EFR3B: variants seen among roughly 807,000 people sequenced by gnomAD.
The protein encoded by EFR3B is EFR3 homolog B.
In EFR3B, 64 loss-of-function variants were observed where a neutral mutation model predicts 104.7. The observed-to-expected ratio is 0.61, with a 90% CI of 0.50 to 0.75. The LOEUF is 0.75. EFR3B is among the 30% of genes least tolerant of loss of function. The pLI is 0.00. For missense variants in EFR3B, 750 were observed against 1,078.5 expected, an observed-to-expected ratio of 0.70 and a Z score of 4.27; for synonymous variants, 385 against 417.9, an observed-to-expected ratio of 0.92 and a Z score of 0.96.
At chr2:25,107,844 T>A (rs1227238882) in intron 4 of EFR3B, among the ~76,000 whole-genome samples, 1 of 151,966 alleles carries the variant, frequency 6.6e-6, no homozygotes, top group Non-Finnish European at 1.5e-5. Context: ...CTTCATTTTT[T>A]ATTTTATTTT....
intron 2 of EFR3B, 46 bp downstream of exon 2, chr2:25,091,447 A>AGGGCCTCTGACGGGGGCAGCTTGGAAGCC: frequency 6.6e-7 from 1 of 1,513,180 alleles, no homozygotes; most frequent in Non-Finnish European, 8.9e-7. Context: ...TGGTCCAGGC[A>AGGGCCTCTGACGGGGGCAGCTTGGAAGCC]GGGCCTCTGA....
chr2:25,059,301 C>T (rs1242984584), intron 1 of EFR3B, among the ~76,000 whole-genome samples: 2 of 152,008 alleles, frequency 1.3e-5, no homozygotes, highest in African/African-American at 4.8e-5. Flanking sequence ...TCAGGCTGGT[C>T]TCGATCTCCT....
intron 3 of EFR3B, among the ~76,000 whole-genome samples, chr2:25,094,264 G>A (rs1194090066): frequency 2.9e-5 from 3 of 103,576 alleles, no homozygotes; most frequent in Admixed American, 1.6e-4. Flanking sequence ...TAGCCTGGGA[G>A]ACAGATTGAG....
rs1671251333 is a variant in EFR3B, at chr2:25,159,033, GGAA to G, written c.*4698_*4700del. The stretch of plus-strand genomic sequence containing the variant: ...GAAAGGCGGAGTGGGGGGAAGTATA[GGAA>G]GAAGGATTCTTAGCAAAATCATTCT... On this transcript the variant is annotated 3_prime_UTR_variant, in exon 23 of 23. Coordinates refer to ENST00000403714, the MANE Select transcript of EFR3B (RefSeq NM_014971.2). 6.6e-6 allele frequency: 1 copy of G among 152,200 alleles called. No individual in the cohort carries two copies. Among genetic ancestry groups the G allele is most frequent in the Non-Finnish European group, 1.5e-5 (1 of 68,038 alleles). The allele number at this position is 152,200 out of a possible 1,614,324, so 9.4% of individuals were successfully genotyped here.
intron 3 of EFR3B, among the ~76,000 whole-genome samples, chr2:25,094,878 C>T (rs1006067688): frequency 6.6e-6 from 1 of 152,096 alleles, no homozygotes; most frequent in Non-Finnish European, 1.5e-5. Context: ...CAGCCTCAGC[C>T]TCCTGGGCTC....
rs1670437271 is a variant in EFR3B at position 25,133,422 on chromosome 2, A to G, written c.1299A>G (p.Lys433=). The G allele has an allele frequency of 6.4e-7, 1 of 1,552,246 alleles. No individual in the cohort carries two copies. The change falls in exon 12 of 23, where the codon AAA becomes AAG. Residue 433 remains lysine, a synonymous_variant. Coordinates refer to ENST00000403714, the MANE Select transcript of EFR3B (RefSeq NM_014971.2). ...RNRLTQIMLL[K]SLLQVSTGFQ... ...GTCTGACCCAGATTATGCTGCTAAA[A>G]TCCCTCCTGCAGGTGAGCCCCATCT...
intron 3 of EFR3B, among the ~76,000 whole-genome samples, chr2:25,095,682 C>T (rs865903571): frequency 9.9e-5 from 15 of 152,054 alleles, no homozygotes; most frequent in Admixed American, 2.6e-4. Flanking sequence ...GGCAACAGAG[C>T]GAGACCCTGT....
rs1180199540 is a variant in EFR3B, at chr2:25,057,433, G to T, written c.7+15114G>T. On this transcript the variant is annotated intron_variant, in intron 1 of 22. Transcript: ENST00000403714. ...CTAACAAAAAAAAAAACAAAAAACA[G>T]ATCTGTTTTATTCCAACGTTATTCT... is the stretch of plus-strand genomic sequence containing the variant. Among the ~76,000 whole-genome samples the T allele has an allele frequency of 9.2e-5, 14 of 151,804 alleles. No homozygotes were observed. In the East Asian group the frequency reaches 2.7e-3, roughly 29 times the overall value.
Position 25,042,295 on chromosome 2 carries a change from GGC to G in EFR3B, c.-11_-10del. The G allele has an allele frequency of 5.4e-6, 7 of 1,294,414 alleles. No homozygotes were observed. The highest frequency in any genetic ancestry group is 5.9e-6 in the Non-Finnish European group (6 of 1,023,522). The allele number at this position is 1,294,414 out of a possible 1,614,324, so 80.2% of individuals were successfully genotyped here. A position where few individuals can be genotyped will look rare whatever the true frequency, so the allele number is the denominator to read the frequency against. ...CCGCAGCGACGCCGGCCTCTCGAGA[GGC>G]GCGCGCCCCGCCGAGATGTACGGTA... On this transcript the variant is annotated 5_prime_UTR_variant, in exon 1 of 23. Coordinates refer to ENST00000403714, the MANE Select transcript of EFR3B (RefSeq NM_014971.2). This position sits in a 1 kb window ranked among gnomAD's most constrained non-coding sequence, Gnocchi z 5.4.
rs932253809 is a variant in EFR3B at position 25,131,430 on chromosome 2, C to T, written c.912C>T (p.Ser304=). 7.1e-6 allele frequency: 11 copies of T among 1,550,726 alleles called. No individual in the cohort carries two copies. The highest frequency in any genetic ancestry group is 5.9e-5 in the South Asian group (5 of 84,054). ...LLGHLDANSR[S]AATVRAGIVE... ...GCCACCTGGACGCCAACAGCCGCAG[C>T]GCTGCGACGGTGCGCGCGGGCATCG... Residue 304 remains serine (S), a synonymous_variant, in exon 9 of 23, where the codon AGC becomes AGT. Coordinates refer to ENST00000403714, the MANE Select transcript of EFR3B (RefSeq NM_014971.2). The surrounding 1 kb of genome is among the most constrained non-coding windows in gnomAD (Gnocchi z 7.6).
At chr2:25,053,370 G>C (rs990264947) in intron 1 of EFR3B, among the ~76,000 whole-genome samples, 1 of 152,196 alleles carries the variant, frequency 6.6e-6, no homozygotes, top group African/African-American at 2.4e-5. Context: ...TGAGGAGGGC[G>C]GAAGACAGTA....
chr2:25,123,583 T>C (rs1001711914), intron 5 of EFR3B, among the ~76,000 whole-genome samples: 1 of 152,098 alleles, frequency 6.6e-6, no homozygotes, highest in Non-Finnish European at 1.5e-5. Context: ...CCTCATCCTC[T>C]CCCAGAATTA....
chr2:25,131,317 C>A lies in EFR3B; in HGVS notation c.850-51C>A. The A allele has an allele frequency of 6.5e-7, 1 of 1,538,548 alleles. No individual in the cohort carries two copies. Among genetic ancestry groups the A allele is most frequent in the Admixed American group, 2.0e-5 (1 of 50,622 alleles). ...GGTGCCAGGAGAGGGCTGCGCAGCC[C>A]AGGGACCCCGTGGGGTTGCTGTCCA... On this transcript the variant is annotated intron_variant, in intron 8 of 22. Transcript: ENST00000403714. This position sits in a 1 kb window ranked among gnomAD's most constrained non-coding sequence, Gnocchi z 7.6.
chr2:25,069,912 T>C (rs1668447955), intron 1 of EFR3B, among the ~76,000 whole-genome samples: 1 of 152,302 alleles, frequency 6.6e-6, no homozygotes, highest in East Asian at 1.9e-4. Context: ...TTAGCCAGGA[T>C]GGTCTCAATC....
chr2:25,055,153 G>T (rs1247469485), intron 1 of EFR3B, among the ~76,000 whole-genome samples: 1 of 152,194 alleles, frequency 6.6e-6, no homozygotes, highest in Non-Finnish European at 1.5e-5. Context: ...TCATGCAGCT[G>T]GTTCAAGTCT....
At chr2:25,111,591 G>A (rs1669726873) in intron 4 of EFR3B, among the ~76,000 whole-genome samples, 1 of 152,198 alleles carries the variant, frequency 6.6e-6, no homozygotes, top group Non-Finnish European at 1.5e-5. Flanking sequence ...TGACAAAAGG[G>A]ACTTTGCAGA....
intron 1 of EFR3B, among the ~76,000 whole-genome samples, chr2:25,090,612 A>T (rs547544546): frequency 1.3e-5 from 2 of 152,194 alleles, no homozygotes; most frequent in Non-Finnish European, 2.9e-5. Context: ...CACAAACCGG[A>T]TGCCCCTCAA....
chr2:25,141,764 A>G (rs941098833), intron 17 of EFR3B, among the ~76,000 whole-genome samples: 10 of 152,224 alleles, frequency 6.6e-5, no homozygotes, highest in African/African-American at 1.7e-4. Flanking sequence ...TTTTCGGATC[A>G]TAGTGGGTGC....
chr2:25,142,386 T>C (rs1174364411), intron 17 of EFR3B, among the ~76,000 whole-genome samples: 2 of 150,318 alleles, frequency 1.3e-5, no homozygotes, highest in East Asian at 3.9e-4. Flanking sequence ...GAGGCAAAGG[T>C]TGCAGTGAGC....
Sources: allele counts gnomAD v4.1 joint callset (sites outside exome capture counted in the v4.1 genomes callset), GRCh38; gene constraint gnomAD v4.1.1; non-coding constraint Gnocchi (gnomAD v3.1); transcripts MANE v1.5; gene names NCBI Gene and HGNC (gene_info 2026-07-23, HGNC 2026-07-21).